Variants in FBXO15 observed in about 807,000 individuals in gnomAD.
FBXO15 encodes F-box only protein 15.
A neutral mutation model predicts 49.5 loss-of-function variants in FBXO15; 30 were observed. The observed-to-expected ratio is 0.61, with a 90% confidence interval of 0.45 to 0.82. The LOEUF (loss-of-function observed/expected upper bound fraction) is 0.82. Ranked by LOEUF, FBXO15 falls within the 40% of genes least tolerant of loss-of-function variation. The probability of loss-of-function intolerance (pLI) is 0.00; values close to 1 mark genes in which losing one functional copy is unlikely to be tolerated. For synonymous variants in FBXO15, 250 were observed against 232.7 expected (o/e 1.07, Z -0.68); for missense variants, 591 against 631.5 (o/e 0.94, Z 0.69).
intron 1 of FBXO15, among the ~76,000 whole-genome samples, chr18:74,143,248 G>A (rs9949226): frequency 0.27 from 40,548 of 152,052 alleles, 8,019 homozygotes; most frequent in African/African-American, 0.55. Flanking sequence ...TTTTGTCATT[G>A]TTTATTTCCT....
chr18:74,091,588 C>A (rs991693076), intron 8 of FBXO15, among the ~76,000 whole-genome samples: 2 of 152,148 alleles, frequency 1.3e-5, no homozygotes, highest in Admixed American at 6.5e-5. Flanking sequence ...CTGATGGTAT[C>A]AAAATCTCTT....
intron 8 of FBXO15, among the ~76,000 whole-genome samples, chr18:74,108,200 C>A (rs1857608412): frequency 1.3e-5 from 2 of 152,066 alleles, no homozygotes; most frequent in African/African-American, 2.4e-5. Context: ...GCGTCAGAAC[C>A]AGACTCAGCT....
chr18:74,133,857 G>C (rs1978549445), intron 3 of FBXO15, among the ~76,000 whole-genome samples: 2 of 152,144 alleles, frequency 1.3e-5, no homozygotes, highest in Non-Finnish European at 2.9e-5. Context: ...TCTAGAGCAA[G>C]AACTACAAGG....
intron 8 of FBXO15, among the ~76,000 whole-genome samples, chr18:74,090,573 A>G (rs1490302781): frequency 6.6e-6 from 1 of 152,112 alleles, no homozygotes; most frequent in African/African-American, 2.4e-5. Context: ...ACACTGCCTT[A>G]GCTTTGTCGC....
intron 8 of FBXO15, among the ~76,000 whole-genome samples, chr18:74,086,926 G>A (rs970249500): frequency 2.6e-5 from 4 of 152,146 alleles, no homozygotes; most frequent in African/African-American, 9.7e-5. Flanking sequence ...GCATATCTCA[G>A]ACGTACCGCA....
At chr18:74,076,435 G>A (rs902149102) in intron 9 of FBXO15, 7 of 152,270 alleles carry the variant, frequency 4.6e-5, no homozygotes, top group Non-Finnish European at 1.0e-4. Context: ...ACCAGGTGAG[G>A]ACACTGCTAG....
intron 2 of FBXO15, among the ~76,000 whole-genome samples, chr18:74,138,477 A>C (rs111348760): frequency 0.021 from 3,165 of 152,066 alleles, 112 homozygotes; most frequent in African/African-American, 0.069. Context: ...CTTGGACCTC[A>C]GGGCTCTTCC....
chr18:74,102,403 G>A (rs144648613), intron 8 of FBXO15, among the ~76,000 whole-genome samples: 29 of 152,214 alleles, frequency 1.9e-4, no homozygotes, highest in Non-Finnish European at 2.6e-4. Flanking sequence ...ACCACAATGC[G>A]ATAATACCTT....
At chr18:74,094,592 C>T (rs1196864966) in intron 8 of FBXO15, among the ~76,000 whole-genome samples, 1 of 152,172 alleles carries the variant, frequency 6.6e-6, no homozygotes, top group Non-Finnish European at 1.5e-5. Context: ...AAGTGGGTCT[C>T]AATAGTGGAC....
At chr18:74,145,981 G>A (rs1979388485) in intron 1 of FBXO15, among the ~76,000 whole-genome samples, 2 of 152,144 alleles carry the variant, frequency 1.3e-5, no homozygotes, top group African/African-American at 2.4e-5. Flanking sequence ...ACGTCTACAA[G>A]GTTAAGTGTA....
chr18:74,127,999 A>C (rs895565346), intron 5 of FBXO15, among the ~76,000 whole-genome samples: 11 of 152,226 alleles, frequency 7.2e-5, no homozygotes, highest in Admixed American at 3.3e-4. Flanking sequence ...TAATTTTGAA[A>C]TGCATAAAGC....
intron 6 of FBXO15, among the ~76,000 whole-genome samples, chr18:74,125,119 T>C (rs1384799952): frequency 1.3e-5 from 2 of 152,192 alleles, no homozygotes; most frequent in East Asian, 1.9e-4. Context: ...CTGATGGGCA[T>C]AGGTGACCCC....
intron 8 of FBXO15, 48 bp from the exon 9 acceptor site, chr18:74,082,099 G>T: frequency 6.3e-7 from 1 of 1,593,340 alleles, no homozygotes. Context: ...AGTGCAAGAT[G>T]ACAAACCAAG....
chr18:74,131,553 G>T (rs1488397467), intron 3 of FBXO15, among the ~76,000 whole-genome samples: 2 of 152,178 alleles, frequency 1.3e-5, no homozygotes, highest in Non-Finnish European at 2.9e-5. Context: ...CTCAAAGTCT[G>T]TTCCTTCCAC....
intron 3 of FBXO15, among the ~76,000 whole-genome samples, chr18:74,132,655 T>C (rs1978466282): frequency 1.3e-5 from 2 of 152,196 alleles, no homozygotes; most frequent in South Asian, 4.1e-4. Context: ...CACATTTACT[T>C]CTTGATCCCC....
chr18:74,123,874 G>A (rs529284093), intron 7 of FBXO15, among the ~76,000 whole-genome samples: 35 of 152,038 alleles, frequency 2.3e-4, no homozygotes, highest in Non-Finnish European at 4.6e-4. Flanking sequence ...ACTGAATACC[G>A]ATCTGCAGGA....
At chr18:74,078,296 C>T (rs1360811484) in intron 9 of FBXO15, among the ~76,000 whole-genome samples, 1 of 152,114 alleles carries the variant, frequency 6.6e-6, no homozygotes, top group East Asian at 1.9e-4. Flanking sequence ...CACAGATACA[C>T]CAAAATCCAA....
Position 74,109,837 on chromosome 18 carries a change from G to A in FBXO15, c.1138+13531C>T, listed in dbSNP as rs531956114. Reference sequence around the variant, plus strand: ...CACACCGGGGTCTGTCAGGGGATGGGGGGCTGGGGGAGGGATAGCATTAGG... The same window carrying A: ...CACACCGGGGTCTGTCAGGGGATGGAGGGCTGGGGGAGGGATAGCATTAGG... On this transcript the variant is annotated intron_variant, in intron 8 of 9. Coordinates refer to ENST00000419743, the MANE Select transcript of FBXO15 (RefSeq NM_001142958.2). Among the ~76,000 whole-genome samples, 7 of 152,102 alleles carry A rather than the reference G, an allele frequency of 4.6e-5. No individual in the cohort carries two copies. In the East Asian group the frequency reaches 1.4e-3, roughly 30 times the overall value.
chr18:74,073,793 A>ATC (rs1568151758), intron 9 of FBXO15, 63 bp from the exon 10 acceptor site: 1 of 1,538,730 alleles, frequency 6.5e-7, no homozygotes, highest in East Asian at 2.3e-5. Context: ...TTCACAGAAA[A>ATC]TCGTGACTCT....
Sources: gnomAD v4.1 joint callset for allele counts (sites outside exome capture counted in the v4.1 genomes callset) on GRCh38, gnomAD v4.1.1 for gene constraint, MANE v1.5 for transcripts, NCBI Gene and HGNC (gene_info 2026-07-23, HGNC 2026-07-21) for gene names.